FRY: variants seen among roughly 807,000 people sequenced by gnomAD.
FRY encodes FRY microtubule binding protein, also known as protein furry homolog.
Under a neutral mutation model 348.4 loss-of-function variants are expected in FRY, and 128 were observed. The observed-to-expected ratio is 0.37, with a 90% CI of 0.32 to 0.43. The LOEUF is 0.43. Among genes scored for constraint, FRY ranks in the 20% least tolerant of loss-of-function variants. FRY has a pLI of 1.00. For missense variants in FRY, 2,736 were observed against 3,695.2 expected, an observed-to-expected ratio of 0.74 and a Z score of 6.73; for synonymous variants, 1,370 against 1,374.7, an observed-to-expected ratio of 1.00 and a Z score of 0.08.
chr13:32,235,710 G>A (rs1484755976), intron 42 of FRY, among the ~76,000 whole-genome samples: 1 of 152,168 alleles, frequency 6.6e-6, no homozygotes, highest in African/African-American at 2.4e-5. Flanking sequence ...CAGAGGTGCT[G>A]TTTAAAACAC....
chr13:32,240,886 G>A (rs1886463713), intron 46 of FRY, among the ~76,000 whole-genome samples: 2 of 152,172 alleles, frequency 1.3e-5, no homozygotes, highest in South Asian at 4.1e-4. Context: ...CCACAAGCCT[G>A]AAAGCATCTA....
intron 58 of FRY, among the ~76,000 whole-genome samples, chr13:32,288,393 G>T (rs752822173): frequency 6.6e-6 from 1 of 152,198 alleles, no homozygotes; most frequent in Non-Finnish European, 1.5e-5. Flanking sequence ...AGTATTGAGA[G>T]ATCAAAGAAT....
intron 58 of FRY, among the ~76,000 whole-genome samples, chr13:32,281,707 A>G (rs1888812970): frequency 1.3e-5 from 2 of 152,254 alleles, no homozygotes; most frequent in Non-Finnish European, 1.5e-5. Flanking sequence ...CCAGGCCTAC[A>G]TGTGTAACAA....
At chr13:32,137,810 G>T (rs73167147) in intron 11 of FRY, among the ~76,000 whole-genome samples, 14,256 of 152,178 alleles carry the variant, frequency 0.094, 818 homozygotes, top group Admixed American at 0.13. Context: ...ACAAAATTTT[G>T]TATGTGCTTA....
At chr13:32,204,763 C>T (rs1162842331) in intron 31 of FRY, among the ~76,000 whole-genome samples, 1 of 152,220 alleles carries the variant, frequency 6.6e-6, no homozygotes, top group Non-Finnish European at 1.5e-5. Context: ...AATTAATTCT[C>T]TTCTTGCAAA....
intron 3 of FRY, among the ~76,000 whole-genome samples, chr13:32,102,960 C>T (rs940331580): frequency 6.6e-6 from 1 of 152,152 alleles, no homozygotes; most frequent in Non-Finnish European, 1.5e-5. Flanking sequence ...CACTTTCTGT[C>T]GGGCTTTGAA....
chr13:32,226,504 A>G (rs1320606433), intron 39 of FRY, among the ~76,000 whole-genome samples: 1 of 152,272 alleles, frequency 6.6e-6, no homozygotes, highest in African/African-American at 2.4e-5. Flanking sequence ...ATAGGAACAG[A>G]TGGCATTAAC....
Position 32,147,872 on chromosome 13 carries a change from C to A in FRY, c.1317C>A (p.Pro439=), listed in dbSNP as rs778418931. The A allele has an allele frequency of 6.2e-7, 1 of 1,611,026 alleles. No homozygotes were observed. Among genetic ancestry groups the A allele is most frequent in the Non-Finnish European group, 8.5e-7 (1 of 1,177,200 alleles). ...TAACCATCATCACAACACTTTTCCCCAAAGGGTCCCGCGGTGTGGTACCAA... is the reference window on the plus strand; with the variant it reads ...TAACCATCATCACAACACTTTTCCCAAAAGGGTCCCGCGGTGTGGTACCAA... ...RLITIITTLF[P]KGSRGVVPRD... The change falls in exon 13 of 61, where the codon CCC becomes CCA. Residue 439 remains proline, a synonymous_variant. Transcript: ENST00000542859.
At chr13:32,101,751 G>A (rs1224760216) in intron 2 of FRY, among the ~76,000 whole-genome samples, 3 of 152,128 alleles carry the variant, frequency 2.0e-5, no homozygotes, top group Non-Finnish European at 4.4e-5. Flanking sequence ...CATGTATTAA[G>A]ATGAATAGCA....
chr13:32,212,089 A>G (rs372573169), intron 34 of FRY, among the ~76,000 whole-genome samples: 4 of 152,364 alleles, frequency 2.6e-5, no homozygotes, highest in African/African-American at 9.6e-5. Flanking sequence ...TGGTTTGACC[A>G]TAACAGATGT....
chr13:32,083,061 G>C (rs1297399562), intron 2 of FRY, among the ~76,000 whole-genome samples: 1 of 151,522 alleles, frequency 6.6e-6, no homozygotes, highest in Non-Finnish European at 1.5e-5. Context: ...TCTTTTTCTG[G>C]TACTTCTATT....
chr13:32,089,201 C>T (rs368775641), intron 2 of FRY, among the ~76,000 whole-genome samples: 6 of 152,072 alleles, frequency 3.9e-5, no homozygotes, highest in Non-Finnish European at 2.9e-5. Context: ...TTGATTTCTA[C>T]GGTCATGCTA....
chr13:32,134,749 C>A (rs1273043478), intron 8 of FRY, among the ~76,000 whole-genome samples, 155 bp from the exon 9 acceptor site: 1 of 152,174 alleles, frequency 6.6e-6, no homozygotes, highest in Non-Finnish European at 1.5e-5. Flanking sequence ...AATTTCAATA[C>A]AAATGTTTGA....
chr13:32,143,272 G>A (rs1231464253), intron 11 of FRY, among the ~76,000 whole-genome samples: 1 of 152,134 alleles, frequency 6.6e-6, no homozygotes, highest in Non-Finnish European at 1.5e-5. Context: ...TGGAAGAGAG[G>A]CCAGAAAATC....
chr13:32,184,958 C>T lies in FRY; in HGVS notation c.3147-18C>T, dbSNP rs762254719. The T allele has an allele frequency of 1.9e-6, 3 of 1,610,288 alleles. No homozygotes were observed. The highest frequency in any genetic ancestry group is 2.2e-5 in the East Asian group (1 of 44,884). ...ATAAAGACTGATCATCTAAAAGTTT[C>T]ATTTTCCTTTATTCCAGCACAAATG... On this transcript the variant is annotated intron_variant, in intron 25 of 60. Transcript: ENST00000542859.
At chr13:32,194,329 A>G (rs749223433) in intron 29 of FRY, 32 bp downstream of exon 29, 2 of 1,600,884 alleles carry the variant, frequency 1.2e-6, no homozygotes, top group South Asian at 1.1e-5. Context: ...GATGAGTGGC[A>G]AGTATGTTTA....
chr13:32,225,978 A>T lies in FRY; in HGVS notation c.5206+4A>T. 6.2e-7 allele frequency: 1 copy of T among 1,611,774 alleles called. No homozygotes were observed. Among genetic ancestry groups the T allele is most frequent in the Non-Finnish European group, 8.5e-7 (1 of 1,177,860 alleles). On this transcript the variant is annotated splice_donor_region_variant and intron_variant, in intron 39 of 60. Coordinates refer to ENST00000542859, the MANE Select transcript of FRY (RefSeq NM_023037.3). ...CAACCTGAATATCTCTATACAGGTA[A>T]CAGAGAAGGACTGGTAGAGAGCCTA...
At chr13:32,163,737 C>T (rs1225796404) in intron 17 of FRY, among the ~76,000 whole-genome samples, 3 of 152,178 alleles carry the variant, frequency 2.0e-5, no homozygotes, top group African/African-American at 2.4e-5. Flanking sequence ...AATCCAGTGA[C>T]GCCCAAACCC....
At chr13:32,191,894 G>T (rs556196460) in intron 28 of FRY, among the ~76,000 whole-genome samples, 1 of 152,100 alleles carries the variant, frequency 6.6e-6, no homozygotes, top group Non-Finnish European at 1.5e-5. Flanking sequence ...GGAGGTTGCG[G>T]GGATACAAAC....
Sources: gnomAD v4.1 joint callset for allele counts (sites outside exome capture counted in the v4.1 genomes callset) on GRCh38, gnomAD v4.1.1 for gene constraint, MANE v1.5 for transcripts, NCBI Gene and HGNC (gene_info 2026-07-23, HGNC 2026-07-21) for gene names.